The following ACTR1B variants were observed in gnomAD, a reference collection of about 807,000 sequenced individuals.
ACTR1B encodes beta-centractin.
ACTR1B carries 34 observed loss-of-function variants against 49.4 expected under a neutral mutation model. The observed-to-expected ratio is 0.69, with a 90% CI of 0.52 to 0.92. ACTR1B has a LOEUF of 0.92. Ranked by LOEUF, ACTR1B falls within the 40% of genes least tolerant of loss-of-function variation. The pLI is 0.00. For synonymous variants in ACTR1B, 207 were observed against 207.8 expected, an observed-to-expected ratio of 1.00 and a Z score of 0.03; for missense variants, 471 against 522.4, an observed-to-expected ratio of 0.90 and a Z score of 0.96.
At position 97,658,814 on chromosome 2, in the gene ACTR1B, T is replaced by G; in HGVS notation, c.440+65A>C. 1 of 1,609,058 alleles carries G rather than the reference T, an allele frequency of 6.2e-7. No individual in the cohort carries two copies. The highest frequency in any genetic ancestry group is 8.5e-7 in the Non-Finnish European group (1 of 1,176,698). On this transcript the variant is annotated intron_variant, in intron 5 of 10. Coordinates refer to ENST00000289228, the MANE Select transcript of ACTR1B (RefSeq NM_005735.4). The surrounding 1 kb of genome is among the most constrained non-coding windows in gnomAD (Gnocchi z 5.9). ...TTTTTCCAGGGAAGTCAGACCCTGGTCATGGCAAGCAGGACGGCACAGGGA... is the reference window on the plus strand; with the variant it reads ...TTTTTCCAGGGAAGTCAGACCCTGGGCATGGCAAGCAGGACGGCACAGGGA...
chr2:97,661,499 C>T (rs760092940), intron 2 of ACTR1B, among the ~76,000 whole-genome samples: 35 of 152,232 alleles, frequency 2.3e-4, no homozygotes, highest in Non-Finnish European at 4.4e-4. Context: ...GAAAACAAGC[C>T]CGGCAGAAAA....
At position 97,659,465 on chromosome 2, in the gene ACTR1B, GC is replaced by G. The variant is rs1462093774; in HGVS notation, c.201del (p.Leu68CysfsTer2). The G allele has an allele frequency of 6.2e-7, 1 of 1,613,698 alleles. No individual in the cohort carries two copies. ...FIGPKAEEHR[G>X]LLTIRYPMEH... is the part of the protein sequence containing the mutation. ...TCCATGGGGTAGCGGATGGTCAGCA[GC>G]CCCCGGTGCTCCTGGTGGGGTGGGA... On this transcript the variant is annotated frameshift_variant, in exon 4 of 11. Transcript: ENST00000289228. LOFTEE classifies it high-confidence loss of function. This position sits in a 1 kb window ranked among gnomAD's most constrained non-coding sequence, Gnocchi z 4.0.
chr2:97,662,232 C>T (rs904441273), intron 1 of ACTR1B, among the ~76,000 whole-genome samples: 5 of 152,046 alleles, frequency 3.3e-5, no homozygotes, highest in African/African-American at 7.3e-5. Context: ...CAACATCCTA[C>T]GATGCACAGG....
At chr2:97,662,029 C>T (rs981392272) in intron 1 of ACTR1B, 83 bp from the exon 2 acceptor site, 9 of 1,429,964 alleles carry the variant, frequency 6.3e-6, no homozygotes, top group Non-Finnish European at 3.9e-6. Context: ...CTGGCTGCCC[C>T]GTCAAGGCAG....
At position 97,663,994 on chromosome 2, in the gene ACTR1B, C is replaced by T; in HGVS notation, c.-104G>A. On this transcript the variant is annotated 5_prime_UTR_variant, in exon 1 of 11. Coordinates refer to ENST00000289228, the MANE Select transcript of ACTR1B (RefSeq NM_005735.4). The stretch of plus-strand genomic sequence containing the variant: ...GGCGGCGGCTCCCGACGCGGCGCCG[C>T]TGCCCTCCCTCCCCGAGCCTGCAGC... 1.5e-6 allele frequency: 1 copy of T among 653,626 alleles called. No homozygotes were observed. Among genetic ancestry groups the T allele is most frequent in the Non-Finnish European group, 2.1e-6 (1 of 468,320 alleles). 40.5% of individuals were successfully genotyped at this position (653,626 alleles called of 1,614,324 possible).
In ACTR1B at chr2:97,657,974, G is replaced by A. The variant is rs368032697; in HGVS notation, c.894C>T (p.Ile298=). 4.5e-5 allele frequency: 72 copies of A among 1,614,054 alleles called. No individual in the cohort carries two copies. The highest frequency in any genetic ancestry group is 6.1e-5 in the Non-Finnish European group (72 of 1,180,048). ...MDLRRTLFAN[I]VLSGGSTLFK... The stretch of plus-strand genomic sequence containing the variant: ...AAAGCGTTGAGCCACCTGAGAGCAC[G>A]ATGTTGGCGAACAGCGTCCGGCGCA... The change falls in exon 8 of 11, where the codon ATC becomes ATT. Residue 298 remains isoleucine, a synonymous_variant. Coordinates refer to ENST00000289228, the MANE Select transcript of ACTR1B (RefSeq NM_005735.4).
intron 1 of ACTR1B, among the ~76,000 whole-genome samples, chr2:97,662,235 T>C (rs1385402290): frequency 6.6e-6 from 1 of 152,054 alleles, no homozygotes; most frequent in African/African-American, 2.4e-5. Flanking sequence ...CATCCTACGA[T>C]GCACAGGCGA....
In ACTR1B at chr2:97,659,654, A is replaced by G; in HGVS notation, c.190-177T>C. Reference sequence around the variant, plus strand: ...CGGGTCCTGAACTCAGCATGGGCTCACCTGCCCACCAGCTTCTTAGGCTCT... The same window carrying G: ...CGGGTCCTGAACTCAGCATGGGCTCGCCTGCCCACCAGCTTCTTAGGCTCT... On this transcript the variant is annotated intron_variant, in intron 3 of 10. Transcript: ENST00000289228. This position sits in a 1 kb window ranked among gnomAD's most constrained non-coding sequence, Gnocchi z 4.0. 1.2e-6 allele frequency: 1 copy of G among 839,982 alleles called. No individual in the cohort carries two copies. Among genetic ancestry groups the G allele is most frequent in the East Asian group, 2.6e-5 (1 of 38,176 alleles). 52.0% of individuals were successfully genotyped at this position (839,982 alleles called of 1,614,324 possible).
In ACTR1B at chr2:97,657,983, G is replaced by A. The variant is rs772468833; in HGVS notation, c.885C>T (p.Phe295=). 4.8e-5 allele frequency: 78 copies of A among 1,614,054 alleles called. No individual in the cohort carries two copies. Among genetic ancestry groups the A allele is most frequent in the South Asian group, 9.9e-5 (9 of 91,086 alleles). The change falls in exon 8 of 11, where the codon TTC becomes TTT. Residue 295 remains phenylalanine, a synonymous_variant. Transcript: ENST00000289228. ...KSDMDLRRTL[F]ANIVLSGGST... Reference sequence around the variant, plus strand: ...AGCCACCTGAGAGCACGATGTTGGCGAACAGCGTCCGGCGCAGGTCCATGT... The same window carrying A: ...AGCCACCTGAGAGCACGATGTTGGCAAACAGCGTCCGGCGCAGGTCCATGT...
At chr2:97,662,252 A>G (rs1349544789) in intron 1 of ACTR1B, among the ~76,000 whole-genome samples, 2 of 152,170 alleles carry the variant, frequency 1.3e-5, no homozygotes, top group East Asian at 3.9e-4. Context: ...GCGAGCCTGC[A>G]CTACCAACAA....
intron 9 of ACTR1B, 52 bp downstream of exon 9, chr2:97,657,396 T>G: frequency 1.3e-6 from 2 of 1,599,644 alleles, no homozygotes; most frequent in Non-Finnish European, 1.7e-6. Flanking sequence ...TTCCTCCCCA[T>G]GCCAAGGCTG....
At chr2:97,660,520 C>T (rs749711921) in intron 3 of ACTR1B, 51 bp downstream of exon 3, 1 of 1,570,866 alleles carries the variant, frequency 6.4e-7, no homozygotes, top group Non-Finnish European at 8.8e-7. Context: ...ATGCCATGTT[C>T]CTGCAACTGA....
intron 1 of ACTR1B, among the ~76,000 whole-genome samples, chr2:97,663,415 A>G (rs1675080979): frequency 6.6e-6 from 1 of 152,198 alleles, no homozygotes; most frequent in African/African-American, 2.4e-5. Flanking sequence ...CCCCAAAGAT[A>G]AAGCCAGCAG....
intron 1 of ACTR1B, among the ~76,000 whole-genome samples, chr2:97,662,821 G>A (rs1675056396): frequency 1.3e-5 from 2 of 152,148 alleles, no homozygotes; most frequent in Admixed American, 1.3e-4. Flanking sequence ...CGTCAAGAAA[G>A]GAAGTAGCCT....
In ACTR1B at chr2:97,656,827, C is replaced by T. The variant is rs11547232; in HGVS notation, c.*31G>A. Reference sequence around the variant, plus strand: ...AAGGCTCTGTCTCCCCTCCCTCCCCCTCTCCCAACATGCCCCGCCCTCCTT... The same window carrying T: ...AAGGCTCTGTCTCCCCTCCCTCCCCTTCTCCCAACATGCCCCGCCCTCCTT... On this transcript the variant is annotated 3_prime_UTR_variant, in exon 11 of 11. Transcript: ENST00000289228. 900,293 of 1,531,934 alleles carry T rather than the reference C, an allele frequency of 0.59. 285,216 individuals carry two copies. The highest frequency in any genetic ancestry group is 0.66 in the Non-Finnish European group (744,342 of 1,125,708). 94.9% of individuals were successfully genotyped at this position (1,531,934 alleles called of 1,614,324 possible). A position where few individuals can be genotyped will look rare whatever the true frequency, so the allele number is the denominator to read the frequency against.
Position 97,659,619 on chromosome 2 carries a change from G to C in ACTR1B, c.190-142C>G. The C allele has an allele frequency of 7.6e-7, 1 of 1,311,540 alleles. No homozygotes were observed. The highest frequency in any genetic ancestry group is 1.1e-6 in the Non-Finnish European group (1 of 950,920). 81.2% of individuals were successfully genotyped at this position (1,311,540 alleles called of 1,614,324 possible). On this transcript the variant is annotated intron_variant, in intron 3 of 10. Transcript: ENST00000289228. This position sits in a 1 kb window ranked among gnomAD's most constrained non-coding sequence, Gnocchi z 4.0. Reference sequence around the variant, plus strand: ...CCACCCCTGCTCACTGGGTGTCCCAGGGTCTGTGGCGGGTCCTGAACTCAG... The same window carrying C: ...CCACCCCTGCTCACTGGGTGTCCCACGGTCTGTGGCGGGTCCTGAACTCAG...
In ACTR1B at chr2:97,658,379, C is replaced by T. The variant is rs185346571; in HGVS notation, c.657+48G>A. 2 of 1,613,630 alleles carry T rather than the reference C, an allele frequency of 1.2e-6. No individual in the cohort carries two copies. Among genetic ancestry groups the T allele is most frequent in the Admixed American group, 1.7e-5 (1 of 59,962 alleles). ...CTGGGACACCTGTGCCTTGGTGCCA[C>T]CCTTTCCTCACCCCAGGTCGTGTCC... On this transcript the variant is annotated intron_variant, in intron 6 of 10. Coordinates refer to ENST00000289228, the MANE Select transcript of ACTR1B (RefSeq NM_005735.4). The surrounding 1 kb of genome is among the most constrained non-coding windows in gnomAD (Gnocchi z 5.9).
chr2:97,659,813 C>A lies in ACTR1B; in HGVS notation c.190-336G>T. ...CTCCTCACACTCTGCCAGCTCCCCT[C>A]TGGCCAGCGCCGGCACCTTGCAGCC... is the stretch of plus-strand genomic sequence containing the variant. On this transcript the variant is annotated intron_variant, in intron 3 of 10. Coordinates refer to ENST00000289228, the MANE Select transcript of ACTR1B (RefSeq NM_005735.4). The surrounding 1 kb of genome is among the most constrained non-coding windows in gnomAD (Gnocchi z 4.0). The A allele has an allele frequency of 2.7e-6, 1 of 371,558 alleles. No individual in the cohort carries two copies. Among genetic ancestry groups the A allele is most frequent in the Non-Finnish European group, 5.0e-6 (1 of 201,586 alleles). The allele number at this position is 371,558 out of a possible 1,614,324, so 23.0% of individuals were successfully genotyped here.
At chr2:97,657,098 G>A in intron 10 of ACTR1B, 54 bp downstream of exon 10, 1 of 1,598,964 alleles carries the variant, frequency 6.3e-7, no homozygotes, top group Non-Finnish European at 8.5e-7. Flanking sequence ...AATGGGAGGA[G>A]CATCCAGGGT....
Sources: allele counts gnomAD v4.1 joint callset (sites outside exome capture counted in the v4.1 genomes callset), GRCh38; gene constraint gnomAD v4.1.1; non-coding constraint Gnocchi (gnomAD v3.1); transcripts MANE v1.5; gene names NCBI Gene and HGNC (gene_info 2026-07-23, HGNC 2026-07-21).